Variants in CLMN observed in about 807,000 individuals in gnomAD.
The protein encoded by CLMN is calmin (calponin-like, transmembrane).
Under a neutral mutation model 92.7 loss-of-function variants are expected in CLMN, and 57 were observed. That is an observed-to-expected ratio of 0.61 (90% CI 0.50 to 0.77). The LOEUF (loss-of-function observed/expected upper bound fraction) is 0.77. Among genes scored for constraint, CLMN ranks in the 30% least tolerant of loss-of-function variants. CLMN has a pLI of 0.00. For synonymous variants in CLMN, 466 were observed against 470.6 expected (o/e 0.99, Z 0.13); for missense variants, 1,158 against 1,237.5 (o/e 0.94, Z 0.96).
intron 1 of CLMN, among the ~76,000 whole-genome samples, chr14:95,305,633 CAT>C (rs1418641024): frequency 2.0e-5 from 3 of 152,176 alleles, no homozygotes; most frequent in Admixed American, 1.3e-4. Context: ...GAACAGAAAT[CAT>C]AATGGATTGT....
At chr14:95,230,539 G>C (rs1319561722) in intron 1 of CLMN, among the ~76,000 whole-genome samples, 1 of 152,224 alleles carries the variant, frequency 6.6e-6, no homozygotes, top group Non-Finnish European at 1.5e-5. Context: ...TCAGGGTCGG[G>C]GTGGAGTGGA....
chr14:95,287,329 C>T (rs1201965586), intron 1 of CLMN, among the ~76,000 whole-genome samples: 1 of 152,214 alleles, frequency 6.6e-6, no homozygotes, highest in Non-Finnish European at 1.5e-5. Context: ...CCATGGAGGC[C>T]ACATGCAACA....
intron 8 of CLMN, 83 bp downstream of exon 8, chr14:95,209,312 G>T: frequency 1.6e-6 from 2 of 1,276,782 alleles, no homozygotes; most frequent in Non-Finnish European, 2.3e-6. Flanking sequence ...ACAGAGCAAC[G>T]CTGCCCACGT....
At position 95,214,079 on chromosome 14, in the gene CLMN, G is replaced by A. The variant is rs190140073; in HGVS notation, c.418-670C>T. Among the ~76,000 whole-genome samples the A allele has an allele frequency of 4.6e-5, 7 of 151,998 alleles. No homozygotes were observed. The East Asian group carries it at 7.8e-4, about 17-fold the overall frequency. ...CATCTGAGCTAGCTGCCCCTGCTTG[G>A]AGCTCTTGCATCACCTTCTACCATA... On this transcript the variant is annotated intron_variant, in intron 5 of 12. Coordinates refer to ENST00000298912, the MANE Select transcript of CLMN (RefSeq NM_024734.4).
chr14:95,209,546 C>G (rs17091921), intron 7 of CLMN, 69 bp from the exon 8 acceptor site: 70,844 of 1,214,080 alleles, frequency 0.058, 3,066 homozygotes, highest in African/African-American at 0.19. Context: ...TTCCCGGATG[C>G]CTGATGGTGA....
chr14:95,296,978 A>T (rs1289919421), intron 1 of CLMN, among the ~76,000 whole-genome samples: 1 of 152,082 alleles, frequency 6.6e-6, no homozygotes, highest in Admixed American at 6.5e-5. Context: ...CTTCTGTTGG[A>T]GGTGGAGGAA....
chr14:95,304,434 C>T (rs1017364111), intron 1 of CLMN, among the ~76,000 whole-genome samples: 1 of 151,774 alleles, frequency 6.6e-6, no homozygotes, highest in African/African-American at 2.4e-5. Context: ...CCCAAAGGGT[C>T]GGGAATTAGT....
At chr14:95,283,322 G>C (rs1294299288) in intron 1 of CLMN, among the ~76,000 whole-genome samples, 1 of 152,190 alleles carries the variant, frequency 6.6e-6, no homozygotes, top group African/African-American at 2.4e-5. Context: ...ATGTGGAACT[G>C]TAAGTCCAAT....
intron 1 of CLMN, among the ~76,000 whole-genome samples, chr14:95,251,101 G>A (rs1265221371): frequency 1.3e-5 from 2 of 152,132 alleles, no homozygotes; most frequent in African/African-American, 4.8e-5. Flanking sequence ...ATGTGGTATG[G>A]AATACGCATT....
At chr14:95,292,529 T>C (rs529495977) in intron 1 of CLMN, among the ~76,000 whole-genome samples, 8 of 147,528 alleles carry the variant, frequency 5.4e-5, no homozygotes, top group African/African-American at 1.7e-4. Context: ...CTGTCTCCCT[T>C]ATTGATTTTT....
chr14:95,220,393 T>C (rs1897496216), intron 4 of CLMN, among the ~76,000 whole-genome samples: 1 of 152,120 alleles, frequency 6.6e-6, no homozygotes, highest in Non-Finnish European at 1.5e-5. Context: ...GCCAGGCTAG[T>C]CTTGAACTCC....
chr14:95,197,736 G>A (rs529410160), intron 9 of CLMN, among the ~76,000 whole-genome samples: 4 of 152,300 alleles, frequency 2.6e-5, no homozygotes, highest in East Asian at 1.9e-4. Flanking sequence ...GCAGGAGCAC[G>A]GTCATTGTTG....
intron 1 of CLMN, among the ~76,000 whole-genome samples, chr14:95,257,842 A>T (rs759812693): frequency 3.3e-5 from 5 of 152,234 alleles, no homozygotes; most frequent in Admixed American, 1.3e-4. Context: ...TGGACTCAGG[A>T]CTGAAGCCAT....
intron 1 of CLMN, among the ~76,000 whole-genome samples, chr14:95,290,972 A>G (rs994742402): frequency 6.6e-6 from 1 of 152,208 alleles, no homozygotes; most frequent in African/African-American, 2.4e-5. Flanking sequence ...TGACACAAAC[A>G]CGTGCTTGCC....
At chr14:95,209,181 C>T (rs1273634212) in intron 8 of CLMN, among the ~76,000 whole-genome samples, 1 of 152,138 alleles carries the variant, frequency 6.6e-6, no homozygotes, top group Non-Finnish European at 1.5e-5. Context: ...CAAGCATCGA[C>T]TGGGGGTCTT....
At chr14:95,253,357 C>A (rs573532407) in intron 1 of CLMN, among the ~76,000 whole-genome samples, 1 of 152,198 alleles carries the variant, frequency 6.6e-6, no homozygotes, top group Non-Finnish European at 1.5e-5. Flanking sequence ...CACAGGGTTC[C>A]GCTCCATGGC....
intron 1 of CLMN, among the ~76,000 whole-genome samples, chr14:95,244,200 T>C (rs1898371716): frequency 6.6e-6 from 1 of 152,206 alleles, no homozygotes; most frequent in South Asian, 2.1e-4. Flanking sequence ...GGTATTTCTT[T>C]ACAGTAGTGC....
At chr14:95,300,178 G>A (rs1488022898) in intron 1 of CLMN, among the ~76,000 whole-genome samples, 1 of 152,200 alleles carries the variant, frequency 6.6e-6, no homozygotes, top group Non-Finnish European at 1.5e-5. Flanking sequence ...CTCTGGGCCA[G>A]GCTCCCAGAG....
chr14:95,220,238 G>A (rs58218415), intron 4 of CLMN, among the ~76,000 whole-genome samples: 1,500 of 144,350 alleles, frequency 0.01, 31 homozygotes, highest in African/African-American at 0.037. Flanking sequence ...GTGCAGTGGC[G>A]AGATCTTAGC....
Sources: allele counts gnomAD v4.1 joint callset (sites outside exome capture counted in the v4.1 genomes callset), GRCh38; gene constraint gnomAD v4.1.1; transcripts MANE v1.5; gene names NCBI Gene and HGNC (gene_info 2026-07-23, HGNC 2026-07-21).